FBXO8: variants seen among roughly 807,000 people sequenced by gnomAD.
FBXO8 encodes the protein F-box protein 8.
In FBXO8, 15 loss-of-function variants were observed where a neutral mutation model predicts 33.4. The observed-to-expected ratio is 0.45, with a 90% CI of 0.30 to 0.69. The LOEUF (loss-of-function observed/expected upper bound fraction) is 0.69. FBXO8 is among the 30% of genes least tolerant of loss of function. The probability of loss-of-function intolerance (pLI) is 0.08; values close to 1 mark genes in which losing one functional copy is unlikely to be tolerated. For synonymous variants in FBXO8, 132 were observed against 131.5 expected (o/e 1.00, Z -0.02); for missense variants, 274 against 380.3 (o/e 0.72, Z 2.32).
intron 1 of FBXO8, among the ~76,000 whole-genome samples, chr4:174,282,812 A>T (rs1251550356): frequency 6.6e-6 from 1 of 152,208 alleles, no homozygotes; most frequent in Non-Finnish European, 1.5e-5. Context: ...AAACTAAAAA[A>T]ATTAAATGAC....
chr4:174,263,109 A>G lies in FBXO8; in HGVS notation c.-8-9T>C. On this transcript the variant is annotated splice_polypyrimidine_tract_variant and intron_variant, in intron 1 of 5. Transcript: ENST00000393674. This position sits in a 1 kb window ranked among gnomAD's most constrained non-coding sequence, Gnocchi z 4.2. ...TTGACCCATCTGCAAGCCTGGGAAA[A>G]AGCCAGAATGTAATAAGGGTGACAT... 1 of 1,607,796 alleles carries G rather than the reference A, an allele frequency of 6.2e-7. No individual in the cohort carries two copies. Among genetic ancestry groups the G allele is most frequent in the Non-Finnish European group, 8.5e-7 (1 of 1,175,330 alleles).
Position 174,252,244 on chromosome 4 carries a change from C to G in FBXO8, c.456+7455G>C, listed in dbSNP as rs1003037830. The stretch of plus-strand genomic sequence containing the variant: ...TTGGTCTCCCAAATTGCTAGGATGA[C>G]AGGTGTGAGCCACTGACTGTACCCA... On this transcript the variant is annotated intron_variant, in intron 3 of 5. Transcript: ENST00000393674. The surrounding 1 kb of genome is among the most constrained non-coding windows in gnomAD (Gnocchi z 5.1). 6.6e-6 allele frequency among the ~76,000 whole-genome samples: 1 copy of G among 152,108 alleles called. No individual in the cohort carries two copies. The highest frequency in any genetic ancestry group is 1.5e-5 in the Non-Finnish European group (1 of 68,020).
At position 174,252,246 on chromosome 4, in the gene FBXO8, G is replaced by C. The variant is rs760315280; in HGVS notation, c.456+7453C>G. 6.6e-6 allele frequency among the ~76,000 whole-genome samples: 1 copy of C among 152,110 alleles called. No homozygotes were observed. Among genetic ancestry groups the C allele is most frequent in the Non-Finnish European group, 1.5e-5 (1 of 68,018 alleles). On this transcript the variant is annotated intron_variant, in intron 3 of 5. Transcript: ENST00000393674. This position sits in a 1 kb window ranked among gnomAD's most constrained non-coding sequence, Gnocchi z 5.1. ...GGTCTCCCAAATTGCTAGGATGACA[G>C]GTGTGAGCCACTGACTGTACCCAGT...
chr4:174,283,584 C>A lies in FBXO8; in HGVS notation c.-183G>T, dbSNP rs1015985959. On this transcript the variant is annotated 5_prime_UTR_variant, in exon 1 of 6. Transcript: ENST00000393674. This position sits in a 1 kb window ranked among gnomAD's most constrained non-coding sequence, Gnocchi z 6.7. ...ACCGCGATGAGAATACCAGAAACAG[C>A]ACTACGACCCTCAGAACTCAGGGTA... The A allele has an allele frequency of 3.6e-6, 1 of 281,384 alleles. No homozygotes were observed. Among genetic ancestry groups the A allele is most frequent in the East Asian group, 6.1e-5 (1 of 16,460 alleles). 17.4% of individuals were successfully genotyped at this position (281,384 alleles called of 1,614,324 possible).
In FBXO8 at chr4:174,241,958, C is replaced by A. The variant is rs974783652; in HGVS notation, c.457-740G>T. Among the ~76,000 whole-genome samples, 1 of 151,366 alleles carries A rather than the reference C, an allele frequency of 6.6e-6. No individual in the cohort carries two copies. The highest frequency in any genetic ancestry group is 2.4e-5 in the African/African-American group (1 of 41,296). On this transcript the variant is annotated intron_variant, in intron 3 of 5. Transcript: ENST00000393674. This position sits in a 1 kb window ranked among gnomAD's most constrained non-coding sequence, Gnocchi z 4.2. ...TACTTTAGATTTAAACCACCACCAA[C>A]AAAACACCACCAACAAAAAAATCAA...
chr4:174,260,929 T>C (rs906167512), intron 2 of FBXO8, among the ~76,000 whole-genome samples: 2 of 151,962 alleles, frequency 1.3e-5, no homozygotes, highest in Non-Finnish European at 2.9e-5. Flanking sequence ...CTGCCTCAGA[T>C]TTCCTTCTTT....
At chr4:174,264,525 C>T (rs183791918) in intron 1 of FBXO8, among the ~76,000 whole-genome samples, 6 of 152,124 alleles carry the variant, frequency 3.9e-5, no homozygotes, top group East Asian at 1.9e-4. Flanking sequence ...CCACTAAATT[C>T]GGTCATTTGT....
rs907136886 is a variant in FBXO8, at chr4:174,281,109, T to C, written c.-9+2301A>G. Among the ~76,000 whole-genome samples, 2 of 152,128 alleles carry C rather than the reference T, an allele frequency of 1.3e-5. No individual in the cohort carries two copies. The highest frequency in any genetic ancestry group is 2.9e-5 in the Non-Finnish European group (2 of 68,006). On this transcript the variant is annotated intron_variant, in intron 1 of 5. Coordinates refer to ENST00000393674, the MANE Select transcript of FBXO8 (RefSeq NM_012180.3). This position sits in a 1 kb window ranked among gnomAD's most constrained non-coding sequence, Gnocchi z 4.6. ...ATAAAAATAAAATGAGGGAAAAAAC[T>C]CTGAAAAACAAATTAATAAATAAAA...
chr4:174,244,832 G>C (rs1487376675), intron 3 of FBXO8, among the ~76,000 whole-genome samples: 2 of 151,664 alleles, frequency 1.3e-5, no homozygotes, highest in African/African-American at 2.4e-5. Context: ...TATTTCTTGG[G>C]AAAATAAACT....
rs753668770 is a variant in FBXO8, at chr4:174,251,037, A to G, written c.456+8662T>C. On this transcript the variant is annotated intron_variant, in intron 3 of 5. Coordinates refer to ENST00000393674, the MANE Select transcript of FBXO8 (RefSeq NM_012180.3). The surrounding 1 kb of genome is among the most constrained non-coding windows in gnomAD (Gnocchi z 4.2). ...CATTAAAATGCACTTAAAAAGCTCA[A>G]TGTACCACTGTAAAGTCTCTAGTTA... Among the ~76,000 whole-genome samples, 6 of 152,294 alleles carry G rather than the reference A, an allele frequency of 3.9e-5. No homozygotes were observed. Among genetic ancestry groups the G allele is most frequent in the South Asian group, 2.1e-4 (1 of 4,822 alleles).
At chr4:174,271,922 A>G (rs1468720277) in intron 1 of FBXO8, among the ~76,000 whole-genome samples, 1 of 152,220 alleles carries the variant, frequency 6.6e-6, no homozygotes, top group African/African-American at 2.4e-5. Context: ...GGAGGTACTC[A>G]TCAAAGTTCT....
In FBXO8 at chr4:174,276,908, C is replaced by T. The variant is rs116809107; in HGVS notation, c.-9+6502G>A. Among the ~76,000 whole-genome samples, 1,284 of 152,212 alleles carry T rather than the reference C, an allele frequency of 8.4e-3. 20 individuals carry two copies. The highest frequency in any genetic ancestry group is 0.03 in the African/African-American group (1,234 of 41,534). ...TCCTATAAAATGGGGGAAATCATTC[C>T]TATCTATTTTACAGGGTGGCTATGA... On this transcript the variant is annotated intron_variant, in intron 1 of 5. Coordinates refer to ENST00000393674, the MANE Select transcript of FBXO8 (RefSeq NM_012180.3).
Position 174,255,319 on chromosome 4 carries a change from A to G in FBXO8, c.456+4380T>C, listed in dbSNP as rs1383081154. 6.6e-6 allele frequency among the ~76,000 whole-genome samples: 1 copy of G among 152,200 alleles called. No individual in the cohort carries two copies. Among genetic ancestry groups the G allele is most frequent in the African/African-American group, 2.4e-5 (1 of 41,454 alleles). ...CTGGAGCAAAAAGTCATTAACATAT[A>G]TCTGAGATACTATTTTTAAGAACTG... On this transcript the variant is annotated intron_variant, in intron 3 of 5. Transcript: ENST00000393674. This position sits in a 1 kb window ranked among gnomAD's most constrained non-coding sequence, Gnocchi z 4.3.
chr4:174,244,096 A>G (rs1736106287), intron 3 of FBXO8, among the ~76,000 whole-genome samples: 1 of 151,706 alleles, frequency 6.6e-6, no homozygotes, highest in African/African-American at 2.4e-5. Context: ...AGACTGTGTC[A>G]CAAGGAAAAA....
At position 174,237,394 on chromosome 4, in the gene FBXO8, T is replaced by C. The variant is rs772643754; in HGVS notation, c.*18A>G. ...CTTTAGTCTGAAGTAAAAACTGAAG[T>C]CCTAGCAATTGTGCTTTTTATGCAG... On this transcript the variant is annotated 3_prime_UTR_variant, in exon 6 of 6. Coordinates refer to ENST00000393674, the MANE Select transcript of FBXO8 (RefSeq NM_012180.3). The surrounding 1 kb of genome is among the most constrained non-coding windows in gnomAD (Gnocchi z 4.4). The C allele has an allele frequency of 6.2e-6, 10 of 1,601,796 alleles. No homozygotes were observed. The Admixed American group carries it at 1.3e-4, about 22-fold the overall frequency.
intron 4 of FBXO8, 136 bp from the exon 5 acceptor site, chr4:174,239,326 T>C (rs918697973): frequency 8.6e-6 from 4 of 464,668 alleles, no homozygotes; most frequent in South Asian, 7.0e-5. Context: ...TATAAAAGTA[T>C]ATATAATTCC....
At chr4:174,276,111 C>T (rs1736955270) in intron 1 of FBXO8, among the ~76,000 whole-genome samples, 1 of 152,090 alleles carries the variant, frequency 6.6e-6, no homozygotes. Flanking sequence ...TATTAAAATA[C>T]ATTAAAATTG....
rs539388693 is a variant in FBXO8, at chr4:174,257,475, C to T, written c.456+2224G>A. Reference sequence around the variant, plus strand: ...AATTGAAGATGACAGTTTTACTCAACATCAGAATAATTCATGACAGGAGCC... The same window carrying T: ...AATTGAAGATGACAGTTTTACTCAATATCAGAATAATTCATGACAGGAGCC... On this transcript the variant is annotated intron_variant, in intron 3 of 5. Transcript: ENST00000393674. The surrounding 1 kb of genome is among the most constrained non-coding windows in gnomAD (Gnocchi z 4.3). 6.6e-6 allele frequency among the ~76,000 whole-genome samples: 1 copy of T among 152,138 alleles called. No individual in the cohort carries two copies. Among genetic ancestry groups the T allele is most frequent in the South Asian group, 2.1e-4 (1 of 4,810 alleles).
rs537245917 is a variant in FBXO8 at position 174,267,526 on chromosome 4, G to A, written c.-8-4426C>T. Among the ~76,000 whole-genome samples, 58 of 152,236 alleles carry A rather than the reference G, an allele frequency of 3.8e-4. No homozygotes were observed. Among genetic ancestry groups the A allele is most frequent in the African/African-American group, 1.3e-3 (56 of 41,542 alleles). ...CACACCACTGCACTCCAGCCTGAGT[G>A]ACAGAGTGAGACCTTGCCTCTAAAA... On this transcript the variant is annotated intron_variant, in intron 1 of 5. Coordinates refer to ENST00000393674, the MANE Select transcript of FBXO8 (RefSeq NM_012180.3). The surrounding 1 kb of genome is among the most constrained non-coding windows in gnomAD (Gnocchi z 4.7).
Sources: allele counts gnomAD v4.1 joint callset (sites outside exome capture counted in the v4.1 genomes callset), GRCh38; gene constraint gnomAD v4.1.1; non-coding constraint Gnocchi (gnomAD v3.1); transcripts MANE v1.5; gene names NCBI Gene and HGNC (gene_info 2026-07-23, HGNC 2026-07-21).